CAST: variants seen among roughly 807,000 people sequenced by gnomAD.
CAST encodes the protein MIR583 host.
A neutral mutation model predicts 119.6 loss-of-function variants in CAST; 76 were observed. The observed-to-expected ratio is 0.64, with a 90% confidence interval of 0.53 to 0.77. The LOEUF (loss-of-function observed/expected upper bound fraction) is 0.77, where lower values mean the gene tolerates loss of function less well. CAST is among the 30% of genes least tolerant of loss of function. CAST has a pLI of 0.00. For synonymous variants in CAST, 319 were observed against 331.6 expected (o/e 0.96, Z 0.41); for missense variants, 953 against 946.5 (o/e 1.01, Z -0.09).
intron 3 of CAST, among the ~76,000 whole-genome samples, chr5:96,713,204 T>G (rs1256128917): frequency 6.6e-6 from 1 of 150,412 alleles, no homozygotes; most frequent in East Asian, 2.0e-4. Context: ...CAATCTTGGC[T>G]CATTGCAACC....
At chr5:96,326,311 A>G in the CAST span, among the ~76,000 whole-genome samples, 2 of 152,190 alleles carry the variant, frequency 1.3e-5, no homozygotes, top group Non-Finnish European at 2.9e-5. Flanking sequence ...AAGGTCCTCC[A>G]TGACAAGCCT....
the CAST span, chr5:96,421,993 TAAAAAAAAA>T: frequency 0.072 from 25,316 of 349,928 alleles, 37 homozygotes; most frequent in East Asian, 0.083. Context: ...GTGGCAGCAT[TAAAAAAAAA>T]AAAAAAAAAA....
intron 1 of CAST, chr5:96,545,177 T>A (rs906777121): frequency 6.6e-6 from 1 of 152,158 alleles, no homozygotes; most frequent in African/African-American, 2.4e-5. Flanking sequence ...AAACCATTGT[T>A]TTATATATTT....
At chr5:96,067,377 T>C in the CAST span, among the ~76,000 whole-genome samples, 1 of 152,216 alleles carries the variant, frequency 6.6e-6, no homozygotes. Flanking sequence ...TGGCTCATTA[T>C]AGTCTCTAAA....
the CAST span, among the ~76,000 whole-genome samples, chr5:96,488,376 A>C: frequency 3.9e-5 from 6 of 152,300 alleles, no homozygotes; most frequent in South Asian, 2.1e-4. Context: ...CTAAAAAAAA[A>C]CCCTAAGTAT....
At chr5:96,498,293 T>C in the CAST span, among the ~76,000 whole-genome samples, 4 of 152,338 alleles carry the variant, frequency 2.6e-5, no homozygotes, top group South Asian at 2.1e-4. Context: ...AGTCAGGTAG[T>C]GTGATGCCTC....
At chr5:96,233,188 A>G in the CAST span, among the ~76,000 whole-genome samples, 2 of 152,134 alleles carry the variant, frequency 1.3e-5, no homozygotes, top group Admixed American at 6.6e-5. Context: ...AATATCAAAT[A>G]TATAAAATGT....
At chr5:96,618,080 G>A (rs1354556816) in intron 1 of CAST, among the ~76,000 whole-genome samples, 2 of 152,140 alleles carry the variant, frequency 1.3e-5, no homozygotes, top group Admixed American at 6.5e-5. Flanking sequence ...GGCTTAGAAT[G>A]GGAAAACAGA....
chr5:96,008,586 C>T, the CAST span, among the ~76,000 whole-genome samples: 2 of 152,126 alleles, frequency 1.3e-5, no homozygotes, highest in African/African-American at 2.4e-5. Flanking sequence ...AGGCTTACCT[C>T]ATCCATGGTT....
the CAST span, chr5:96,392,773 G>A: frequency 1.4e-5 from 8 of 578,988 alleles, no homozygotes; most frequent in East Asian, 2.4e-4. Context: ...CTTCACTTGT[G>A]CAGACAGGAA....
chr5:96,301,758 C>T, the CAST span, among the ~76,000 whole-genome samples: 2 of 152,202 alleles, frequency 1.3e-5, no homozygotes, highest in African/African-American at 4.8e-5. Context: ...GCTCGAAGGG[C>T]CTTGGACAGC....
At chr5:96,710,568 T>C (rs1211660479) in intron 3 of CAST, among the ~76,000 whole-genome samples, 1 of 152,174 alleles carries the variant, frequency 6.6e-6, no homozygotes, top group East Asian at 1.9e-4. Flanking sequence ...CTACCCGTTA[T>C]GTCAAGAACC....
the CAST span, among the ~76,000 whole-genome samples, chr5:96,435,150 T>C: frequency 1.1e-3 from 164 of 152,312 alleles, 2 homozygotes; most frequent in East Asian, 1.9e-4. Context: ...AGGGCAAATG[T>C]TTTATAACGG....
the CAST span, chr5:96,432,711 G>A: frequency 1.5e-6 from 1 of 660,704 alleles, no homozygotes; most frequent in East Asian, 2.7e-5. Flanking sequence ...CTCTCTCCAA[G>A]CGCGACAGGG....
chr5:96,017,477 C>T, the CAST span, among the ~76,000 whole-genome samples: 1 of 152,206 alleles, frequency 6.6e-6, no homozygotes, highest in Admixed American at 6.5e-5. Flanking sequence ...CTCAGACCTT[C>T]TTATAACTTA....
At chr5:96,618,522 G>A (rs759073696) in intron 1 of CAST, among the ~76,000 whole-genome samples, 15 of 152,358 alleles carry the variant, frequency 9.8e-5, no homozygotes, top group South Asian at 8.3e-4. Flanking sequence ...GGAGACGCAC[G>A]GGTGGGAACC....
chr5:96,389,415 A>G, the CAST span, among the ~76,000 whole-genome samples: 1 of 152,196 alleles, frequency 6.6e-6, no homozygotes, highest in African/African-American at 2.4e-5. Context: ...TGAAATGAAA[A>G]TAGAGATATA....
rs893136300 is a variant in CAST at position 96,580,788 on chromosome 5, G to T, written c.60+50908G>T. Among the ~76,000 whole-genome samples the T allele has an allele frequency of 4.1e-4, 63 of 152,250 alleles. 2 individuals are homozygous for T. Reference sequence around the variant, plus strand: ...GGCAAGGCAAGGTAGTAAGAAGCTAGAAATTGCTATGGTATGAATGTTTCT... The same window carrying T: ...GGCAAGGCAAGGTAGTAAGAAGCTATAAATTGCTATGGTATGAATGTTTCT... On this transcript the variant is annotated intron_variant, in intron 1 of 11. Coordinates refer to the CAST transcript ENST00000505143.
chr5:96,480,107 C>T, the CAST span, among the ~76,000 whole-genome samples: 26,470 of 151,956 alleles, frequency 0.17, 2,470 homozygotes, highest in Middle Eastern at 0.26. Context: ...TTAACCATTT[C>T]GGTGGGGAAA....
Sources: gnomAD v4.1 joint callset for allele counts (sites outside exome capture counted in the v4.1 genomes callset) on GRCh38, gnomAD v4.1.1 for gene constraint, MANE v1.5 for transcripts, NCBI Gene and HGNC (gene_info 2026-07-23, HGNC 2026-07-21) for gene names.